The following EXOC2 variants were observed in gnomAD, a reference collection of about 807,000 sequenced individuals.
EXOC2 encodes SEC5-like 1.
EXOC2 carries 70 observed loss-of-function variants against 131.8 expected under a neutral mutation model. The observed-to-expected ratio is 0.53, with a 90% CI of 0.44 to 0.65. The LOEUF (loss-of-function observed/expected upper bound fraction) is 0.65. Ranked by LOEUF, EXOC2 falls within the 30% of genes least tolerant of loss-of-function variation. The pLI, the probability that EXOC2 is intolerant of heterozygous loss-of-function variation, is 0.00. For synonymous variants in EXOC2, 411 were observed against 398.4 expected (o/e 1.03, Z -0.38); for missense variants, 923 against 1,108.6 (o/e 0.83, Z 2.38).
intron 17 of EXOC2, among the ~76,000 whole-genome samples, chr6:557,303 A>G (rs182541628): frequency 9.4e-4 from 143 of 152,278 alleles, no homozygotes; most frequent in Non-Finnish European, 8.7e-4. Flanking sequence ...AAATAATTAA[A>G]ATAGTAAGTG....
At chr6:638,057 T>A (rs1362918060) in intron 1 of EXOC2, among the ~76,000 whole-genome samples, 196 bp from the exon 2 acceptor site, 1 of 152,182 alleles carries the variant, frequency 6.6e-6, no homozygotes, top group Non-Finnish European at 1.5e-5. Context: ...TGGTTAGTAT[T>A]GCAAGAAAGA....
At chr6:547,065 G>A (rs1247683905) in intron 22 of EXOC2, among the ~76,000 whole-genome samples, 1 of 152,158 alleles carries the variant, frequency 6.6e-6, no homozygotes, top group Non-Finnish European at 1.5e-5. Flanking sequence ...ACCTCTCTGG[G>A]TATCTTTCCC....
In EXOC2 at chr6:491,116, G is replaced by A. The variant is rs377077486; in HGVS notation, c.2621+9C>T. 64 of 1,613,942 alleles carry A rather than the reference G, an allele frequency of 4.0e-5. No individual in the cohort carries two copies. Among genetic ancestry groups the A allele is most frequent in the Admixed American group, 1.5e-4 (9 of 60,032 alleles). On this transcript the variant is annotated intron_variant, in intron 26 of 27. Transcript: ENST00000230449. ...ATAGAGCACTCAACTAAAGAACACT[G>A]CCACTTACTTGCTTTCGGGTGTCAG... is the stretch of plus-strand genomic sequence containing the variant.
intron 1 of EXOC2, among the ~76,000 whole-genome samples, chr6:641,638 A>G (rs1762357679): frequency 6.6e-6 from 1 of 152,172 alleles, no homozygotes. Context: ...TTCATCCAAT[A>G]AACCCAATGA....
Position 553,890 on chromosome 6 carries a change from C to T in EXOC2, c.2085G>A (p.Leu695=), listed in dbSNP as rs144562701. 8.3e-5 allele frequency: 134 copies of T among 1,614,024 alleles called. No homozygotes were observed. In the African/African-American group the frequency reaches 1.5e-3, roughly 18 times the overall value. Residue 695 remains leucine (L), a synonymous_variant, in exon 21 of 28, where the codon TTG becomes TTA. Coordinates refer to ENST00000230449, the MANE Select transcript of EXOC2 (RefSeq NM_018303.6). The part of the protein sequence containing the change: ...HLSVDVSSPD[L]FGSIHEDFSL... ...TGAAGTCTTCATGGATACTTCCAAA[C>T]AAGTCAGGGGAAGAAACATCAACAG...
In EXOC2 at chr6:632,975, T is replaced by C; in HGVS notation, c.261A>G (p.Thr87=). The change falls in exon 3 of 28, where the codon ACA becomes ACG. Residue 87 remains threonine (T), a synonymous_variant. Transcript: ENST00000230449. ...TTKSGGRGTS[T]VSFKLLKPEK... ...CAGGTTTGAGTAGCTTGAAAGAGAC[T>C]GTTGAGGTTCCTCTGCCACCTGACT... 6.2e-7 allele frequency: 1 copy of C among 1,614,102 alleles called. No individual in the cohort carries two copies. Among genetic ancestry groups the C allele is most frequent in the African/African-American group, 1.3e-5 (1 of 75,064 alleles).
At chr6:644,948 A>G (rs1390917587) in intron 1 of EXOC2, among the ~76,000 whole-genome samples, 8 of 152,162 alleles carry the variant, frequency 5.3e-5, no homozygotes, top group African/African-American at 1.9e-4. Flanking sequence ...GCTTATATAG[A>G]GATATTGTCA....
intron 2 of EXOC2, among the ~76,000 whole-genome samples, chr6:634,374 C>T (rs928258727): frequency 6.6e-6 from 1 of 152,168 alleles, no homozygotes; most frequent in African/African-American, 2.4e-5. Context: ...TGTGAGCCAC[C>T]ATGCCCGGCA....
At position 532,517 on chromosome 6, in the gene EXOC2, C is replaced by G; in HGVS notation, c.2332G>C (p.Gly778Arg). ...CAATCAAAATATCCTGCATAAATTC[C>G]AGGTTCTAAGGAGCCAACGATGGGA... The part of the protein sequence containing the change: ...ADPIVGSLEP[G>R]IYAGYFDWKD... The change falls in exon 23 of 28, where the codon GGA (glycine) becomes CGA (arginine). Residue 778 changes from glycine to arginine, a missense_variant. By Grantham distance (125) the Gly-to-Arg change is moderately radical (BLOSUM62 -2). Coordinates refer to ENST00000230449, the MANE Select transcript of EXOC2 (RefSeq NM_018303.6). The G allele has an allele frequency of 6.2e-7, 1 of 1,606,904 alleles. No individual in the cohort carries two copies. Among genetic ancestry groups the G allele is most frequent in the African/African-American group, 1.3e-5 (1 of 74,618 alleles).
intron 23 of EXOC2, among the ~76,000 whole-genome samples, chr6:517,189 C>T (rs937710370): frequency 6.6e-6 from 1 of 152,128 alleles, no homozygotes. Context: ...GGAAGATGTT[C>T]ATATTTCATA....
At chr6:612,257 T>G (rs964803275) in intron 6 of EXOC2, among the ~76,000 whole-genome samples, 1 of 152,188 alleles carries the variant, frequency 6.6e-6, no homozygotes, top group Non-Finnish European at 1.5e-5. Context: ...TCTTTTTTTG[T>G]TTTTAGCATG....
chr6:576,464 G>T (rs1475427006), intron 12 of EXOC2, among the ~76,000 whole-genome samples: 1 of 151,878 alleles, frequency 6.6e-6, no homozygotes, highest in Non-Finnish European at 1.5e-5. Flanking sequence ...TTTTTCTGTG[G>T]CACTTTAAAA....
At chr6:503,013 AGGCGG>A (rs1764317865) in intron 23 of EXOC2, among the ~76,000 whole-genome samples, 3 of 152,232 alleles carry the variant, frequency 2.0e-5, no homozygotes, top group African/African-American at 7.2e-5. Context: ...GGCCGGAGTG[AGGCGG>A]AGCTCTGCGA....
chr6:567,568 A>G (rs985587312), intron 13 of EXOC2, among the ~76,000 whole-genome samples: 5 of 152,188 alleles, frequency 3.3e-5, no homozygotes, highest in Non-Finnish European at 5.9e-5. Context: ...GTATATGTGT[A>G]AATTTATGTG....
intron 22 of EXOC2, among the ~76,000 whole-genome samples, chr6:536,773 T>G (rs1766466052): frequency 6.6e-6 from 1 of 152,190 alleles, no homozygotes; most frequent in African/African-American, 2.4e-5. Context: ...CAGGTAAAGA[T>G]TCTGACAACA....
chr6:620,493 C>CTG (rs1374025831), intron 4 of EXOC2, among the ~76,000 whole-genome samples: 1 of 152,196 alleles, frequency 6.6e-6, no homozygotes, highest in Non-Finnish European at 1.5e-5. Context: ...CCCCAAAACA[C>CTG]TGGACAAGCC....
intron 9 of EXOC2, among the ~76,000 whole-genome samples, chr6:598,447 TA>T (rs1759942376): frequency 1.3e-5 from 2 of 152,252 alleles, no homozygotes; most frequent in Admixed American, 6.5e-5. Flanking sequence ...TGGTGGACTG[TA>T]ACTCTGGCAT....
chr6:597,146 T>G (rs1759862756), intron 10 of EXOC2, among the ~76,000 whole-genome samples: 1 of 152,156 alleles, frequency 6.6e-6, no homozygotes. Context: ...TCTCTTCATA[T>G]CCTGTGAAAT....
chr6:654,803 C>CAAAAAAAAAAAAAAAAA lies in EXOC2; in HGVS notation c.-43-16959_-43-16943dup, dbSNP rs66637987. 3.4e-4 allele frequency among the ~76,000 whole-genome samples: 10 copies of CAAAAAAAAAAAAAAAAA among 29,574 alleles called. 1 individual carries two copies. Among genetic ancestry groups the CAAAAAAAAAAAAAAAAA allele is most frequent in the African/African-American group, 5.7e-4 (6 of 10,518 alleles). The allele number at this position is 29,574 out of a possible 152,430, so 19.4% of individuals were successfully genotyped here. A position where few individuals can be genotyped will look rare whatever the true frequency, so the allele number is the denominator to read the frequency against. On this transcript the variant is annotated intron_variant, in intron 1 of 27. Coordinates refer to ENST00000230449, the MANE Select transcript of EXOC2 (RefSeq NM_018303.6). Reference sequence around the variant, plus strand: ...TGGGTGACAGAGTAAGACCCTGTCTCAAAAAAAAAAAAAAAAAAAAAAAAA... The same window carrying CAAAAAAAAAAAAAAAAA: ...TGGGTGACAGAGTAAGACCCTGTCTCAAAAAAAAAAAAAAAAAAAAAAAAAAAAAAAAAAAAAAAAAA...
Sources: gnomAD v4.1 joint callset for allele counts (sites outside exome capture counted in the v4.1 genomes callset) on GRCh38, gnomAD v4.1.1 for gene constraint, MANE v1.5 for transcripts, NCBI Gene and HGNC (gene_info 2026-07-23, HGNC 2026-07-21) for gene names.